The following TNRC6A variants were observed in gnomAD, a reference collection of about 807,000 sequenced individuals.
TNRC6A encodes trinucleotide repeat-containing gene 6A protein.
TNRC6A carries 44 observed loss-of-function variants against 221.2 expected under a neutral mutation model. That is an observed-to-expected ratio of 0.20 (90% CI 0.16 to 0.26). The LOEUF (loss-of-function observed/expected upper bound fraction) is 0.26, where lower values mean the gene tolerates loss of function less well. TNRC6A is among the 10% of genes least tolerant of loss of function. The probability of loss-of-function intolerance (pLI) is 1.00; values close to 1 mark genes in which losing one functional copy is unlikely to be tolerated. For missense variants in TNRC6A, 2,199 were observed against 2,404.4 expected (o/e 0.91, Z 1.79); for synonymous variants, 847 against 838.5 (o/e 1.01, Z -0.18).
chr16:24,652,500 T>G (rs1438908521), intron 2 of TNRC6A, among the ~76,000 whole-genome samples: 1 of 152,204 alleles, frequency 6.6e-6, no homozygotes, highest in African/African-American at 2.4e-5. Context: ...AAGCTGCTAT[T>G]ACATTAAAAC....
intron 4 of TNRC6A, among the ~76,000 whole-genome samples, chr16:24,764,145 CTGTT>C (rs140021513): frequency 0.013 from 1,902 of 142,628 alleles, 44 homozygotes; most frequent in African/African-American, 0.043. Flanking sequence ...ATGTATTTGA[CTGTT>C]TTTTTTTTTT....
chr16:24,773,659 C>T (rs2057659721), intron 4 of TNRC6A, among the ~76,000 whole-genome samples: 1 of 152,102 alleles, frequency 6.6e-6, no homozygotes, highest in African/African-American at 2.4e-5. Context: ...TCTCTGTCTC[C>T]ATTTATTTTG....
chr16:24,801,359 A>G (rs2058327312), intron 11 of TNRC6A, among the ~76,000 whole-genome samples: 1 of 152,104 alleles, frequency 6.6e-6, no homozygotes, highest in South Asian at 2.1e-4. Context: ...AAAAGAAAAA[A>G]CTGATTGTCA....
intron 2 of TNRC6A, among the ~76,000 whole-genome samples, chr16:24,677,717 G>T (rs2055447706): frequency 6.6e-6 from 1 of 152,138 alleles, no homozygotes; most frequent in Non-Finnish European, 1.5e-5. Flanking sequence ...TTTGAGCTTT[G>T]TCTGTCTTGT....
chr16:24,777,888 T>A (rs2057759560), intron 5 of TNRC6A, among the ~76,000 whole-genome samples: 1 of 152,162 alleles, frequency 6.6e-6, no homozygotes, highest in Non-Finnish European at 1.5e-5. Flanking sequence ...TCTCTGAGCT[T>A]GGTAGTGATG....
rs1307106722 is a variant in TNRC6A, at chr16:24,661,868, G to T, written n.402+20859G>T. ...ACACGATCATGTTTCTACAGTACTG[G>T]TAGAGTTTTTAACTGATACAGTCCC... On this transcript the variant is annotated intron_variant and non_coding_transcript_variant, in intron 2 of 2. Coordinates refer to the TNRC6A transcript ENST00000566108. 2.0e-5 allele frequency: 3 copies of T among 152,160 alleles called. No individual in the cohort carries two copies. In the East Asian group the frequency reaches 5.8e-4, roughly 29 times the overall value. 9.4% of individuals were successfully genotyped at this position (152,160 alleles called of 1,614,324 possible). A position where few individuals can be genotyped will look rare whatever the true frequency, so the allele number is the denominator to read the frequency against.
rs561119053 is a variant in TNRC6A, at chr16:24,785,769, T to A, written c.590-3463T>A. On this transcript the variant is annotated intron_variant, in intron 5 of 24. Transcript: ENST00000395799. The stretch of plus-strand genomic sequence containing the variant: ...TTTGTTTTCGATGGCCAATCTTGTT[T>A]TCTTACTCCTGCCTTGTGAAAGTGG... Among the ~76,000 whole-genome samples, 14 of 152,352 alleles carry A rather than the reference T, an allele frequency of 9.2e-5. No homozygotes were observed. In the South Asian group the frequency reaches 2.9e-3, roughly 32 times the overall value.
At chr16:24,751,777 G>A (rs2151420432) in intron 3 of TNRC6A, among the ~76,000 whole-genome samples, 1 of 152,274 alleles carries the variant, frequency 6.6e-6, no homozygotes, top group East Asian at 1.9e-4. Context: ...TTTAATAGGG[G>A]AAAACACAGG....
chr16:24,790,795 T>C lies in TNRC6A; in HGVS notation c.2153T>C (p.Leu718Pro). 1 of 1,614,162 alleles carries C rather than the reference T, an allele frequency of 6.2e-7. No homozygotes were observed. The change falls in exon 6 of 25, where the codon CTG becomes CCG. Residue 718 changes from leucine to proline, a missense_variant. Physicochemically the swap from Leu to Pro is moderately conservative, Grantham distance 98. This residue lies in a region of TNRC6A where 1,405 missense variants were observed against 1,400.2 expected (regional missense o/e 1.00). Coordinates refer to ENST00000395799, the MANE Select transcript of TNRC6A (RefSeq NM_014494.4). ...VNRTDLDPRV[L>P]SNSGWGQTPI... ...AGAACTGACTTAGATCCACGTGTCC[T>C]GTCCAACTCTGGTTGGGGACAGACT...
intron 2 of TNRC6A, chr16:24,662,816 T>G (rs367963223): frequency 1.3e-5 from 2 of 153,790 alleles, no homozygotes; most frequent in Admixed American, 6.5e-5. Flanking sequence ...GAATAACTCC[T>G]CGTCCTGGTT....
chr16:24,650,686 G>A (rs1902595580), intron 2 of TNRC6A, among the ~76,000 whole-genome samples: 1 of 151,328 alleles, frequency 6.6e-6, no homozygotes, highest in African/African-American at 2.4e-5. Context: ...AAGAAAGAAA[G>A]AAAAAAAGGA....
intron 1 of TNRC6A, among the ~76,000 whole-genome samples, chr16:24,631,853 C>T (rs1404060856): frequency 6.6e-6 from 1 of 151,210 alleles, no homozygotes; most frequent in Non-Finnish European, 1.5e-5. Flanking sequence ...AAGTTCTTTT[C>T]TTGTTTGTTT....
intron 4 of TNRC6A, among the ~76,000 whole-genome samples, chr16:24,770,588 A>T (rs766941794): frequency 6.6e-6 from 1 of 152,206 alleles, no homozygotes; most frequent in Non-Finnish European, 1.5e-5. Flanking sequence ...GAGTAACTAC[A>T]TAGATAGTTA....
At chr16:24,725,998 TA>T (rs200509728), upstream of TNRC6A, among the ~76,000 whole-genome samples, 9,555 of 127,844 alleles carry the variant, frequency 0.075, 733 homozygotes, top group East Asian at 0.37. Context: ...AGACTATGTC[TA>T]AAAAAAAAAA....
intron 2 of TNRC6A, among the ~76,000 whole-genome samples, chr16:24,738,822 G>A (rs2056829048): frequency 6.6e-6 from 1 of 152,140 alleles, no homozygotes; most frequent in South Asian, 2.1e-4. Context: ...GAATTGCTGG[G>A]TTATATGGTA....
intron 2 of TNRC6A, among the ~76,000 whole-genome samples, chr16:24,657,125 A>T (rs811426): frequency 6.6e-6 from 1 of 151,388 alleles, no homozygotes; most frequent in African/African-American, 2.4e-5. Flanking sequence ...ACGGCCTGGG[A>T]GACATAGCAA....
chr16:24,721,042 G>A (rs1454166101), intron 2 of TNRC6A, among the ~76,000 whole-genome samples: 4 of 152,090 alleles, frequency 2.6e-5, no homozygotes, highest in Admixed American at 6.6e-5. Context: ...GTGACAGAGC[G>A]AGACTGTCTC....
chr16:24,799,995 C>T (rs1170244840), intron 11 of TNRC6A, among the ~76,000 whole-genome samples: 1 of 152,202 alleles, frequency 6.6e-6, no homozygotes, highest in Non-Finnish European at 1.5e-5. Flanking sequence ...TTACCCCAGC[C>T]AGTAGACTAG....
At chr16:24,640,840 A>G (rs558214228) in intron 1 of TNRC6A, 1 of 152,348 alleles carries the variant, frequency 6.6e-6, no homozygotes, top group Admixed American at 6.5e-5. Context: ...AATGAAGTAA[A>G]AAGTGGAGAA....
Sources: allele counts gnomAD v4.1 joint callset (sites outside exome capture counted in the v4.1 genomes callset), GRCh38; gene constraint gnomAD v4.1.1; regional missense constraint gnomAD v4.1.1; transcripts MANE v1.5; gene names NCBI Gene and HGNC (gene_info 2026-07-23, HGNC 2026-07-21).